The following SEC16B variants were observed in gnomAD, a reference collection of about 807,000 sequenced individuals.
The protein encoded by SEC16B is protein transport protein Sec16B.
Under a neutral mutation model 141.8 loss-of-function variants are expected in SEC16B, and 115 were observed. The observed-to-expected ratio is 0.81, with a 90% CI of 0.70 to 0.95. The LOEUF is 0.95. SEC16B is among the 40% of genes least tolerant of loss of function. The pLI is 0.00. For missense variants in SEC16B, 1,291 were observed against 1,312.3 expected (o/e 0.98, Z 0.25); for synonymous variants, 493 against 492.5 (o/e 1.00, Z -0.01).
chr1:177,978,910 T>C (rs1241114651), intron 1 of SEC16B, among the ~76,000 whole-genome samples: 4 of 152,184 alleles, frequency 2.6e-5, no homozygotes, highest in Non-Finnish European at 5.9e-5. Context: ...TCGCTCATCA[T>C]AATAATCCAT....
intron 10 of SEC16B, among the ~76,000 whole-genome samples, chr1:177,957,496 A>C (rs146828344): frequency 2.0e-5 from 3 of 152,228 alleles, no homozygotes; most frequent in African/African-American, 7.2e-5. Flanking sequence ...AAATGTTAAC[A>C]GGTATTATCT....
chr1:177,952,998 G>A (rs1652321970), intron 11 of SEC16B, among the ~76,000 whole-genome samples: 1 of 136,350 alleles, frequency 7.3e-6, no homozygotes, highest in African/African-American at 2.7e-5. Context: ...TAACATGGAA[G>A]TGTCATTTTT....
At chr1:177,981,846 G>A (rs1025087076) in intron 1 of SEC16B, among the ~76,000 whole-genome samples, 2 of 152,158 alleles carry the variant, frequency 1.3e-5, no homozygotes, top group Non-Finnish European at 2.9e-5. Flanking sequence ...CACACCTGTG[G>A]TGGGTGGTAT....
chr1:177,960,979 C>T (rs1168564942), intron 6 of SEC16B, 40 bp from the exon 7 acceptor site: 7 of 1,565,732 alleles, frequency 4.5e-6, no homozygotes, highest in Non-Finnish European at 6.1e-6. Flanking sequence ...GTTAGCGTTA[C>T]TTCCATCACT....
Position 177,929,220 on chromosome 1 carries a change from C to A in SEC16B, c.*638G>T. On this transcript the variant is annotated 3_prime_UTR_variant, in exon 26 of 26. Coordinates refer to ENST00000308284, the MANE Select transcript of SEC16B (RefSeq NM_033127.4). ...AGCAATCTAACTTGATAGCCACATG[C>A]CAGAATGTGAAAAAATAGGACCAGC... The A allele has an allele frequency of 6.5e-6, 1 of 153,622 alleles. No homozygotes were observed. Among genetic ancestry groups the A allele is most frequent in the Admixed American group, 6.4e-5 (1 of 15,526 alleles). 9.5% of individuals were successfully genotyped at this position (153,622 alleles called of 1,614,324 possible). A position where few individuals can be genotyped will look rare whatever the true frequency, so the allele number is the denominator to read the frequency against.
At chr1:177,974,208 T>C (rs1004596139), upstream of SEC16B, among the ~76,000 whole-genome samples, 2 of 151,974 alleles carry the variant, frequency 1.3e-5, no homozygotes, top group Non-Finnish European at 2.9e-5. Flanking sequence ...ACATGCTGAA[T>C]GTGAGGGGCC....
upstream of SEC16B, among the ~76,000 whole-genome samples, chr1:177,973,800 A>G (rs559227704): frequency 2.0e-5 from 3 of 152,336 alleles, no homozygotes; most frequent in South Asian, 6.2e-4. Context: ...GAGTCACAGT[A>G]CAATGCAATA....
chr1:177,973,462 T>C (rs12088903), upstream of SEC16B, among the ~76,000 whole-genome samples: 17,781 of 152,260 alleles, frequency 0.12, 1,773 homozygotes, highest in African/African-American at 0.27. Flanking sequence ...GTATATTATT[T>C]TAAAAGGCAA....
rs373516846 is a variant in SEC16B, at chr1:177,937,470, A to G, written c.2247T>C (p.Ser749=). The part of the protein sequence containing the change: ...YQDFSGCQGY[S]EAPGYRSALW... ...GAGCTGAGCGGTACCCAGGGGCTTCAGAGTAGCCTTGACATCCAGAAAAGT... is the reference window on the plus strand; with the variant it reads ...GAGCTGAGCGGTACCCAGGGGCTTCGGAGTAGCCTTGACATCCAGAAAAGT... The change falls in exon 19 of 26, where the codon TCT becomes TCC. Residue 749 remains serine, a synonymous_variant. Coordinates refer to ENST00000308284, the MANE Select transcript of SEC16B (RefSeq NM_033127.4). The G allele has an allele frequency of 1.9e-6, 3 of 1,586,534 alleles. No individual in the cohort carries two copies. Among genetic ancestry groups the G allele is most frequent in the Non-Finnish European group, 1.7e-6 (2 of 1,166,722 alleles).
At chr1:177,954,824 G>A (rs1223668471) in intron 10 of SEC16B, among the ~76,000 whole-genome samples, 1 of 152,058 alleles carries the variant, frequency 6.6e-6, no homozygotes, top group East Asian at 1.9e-4. Context: ...CACAGTGTGT[G>A]TGTATATATA....
chr1:177,937,639 C>T (rs566593302), intron 18 of SEC16B, 126 bp from the exon 19 acceptor site: 14 of 724,620 alleles, frequency 1.9e-5, no homozygotes, highest in Admixed American at 6.4e-5. Flanking sequence ...CTGTCTAATG[C>T]GGCTTCCAGT....
At chr1:177,966,618 T>C (rs987056380) in intron 2 of SEC16B, among the ~76,000 whole-genome samples, 1 of 152,142 alleles carries the variant, frequency 6.6e-6, no homozygotes, top group South Asian at 2.1e-4. Context: ...CAGGCTGGAG[T>C]GCAGTGGCGT....
chr1:177,933,777 G>A (rs540034131), intron 20 of SEC16B, 141 bp from the exon 21 acceptor site: 2 of 846,348 alleles, frequency 2.4e-6, no homozygotes. Context: ...AGGAAGGAAG[G>A]CTCAGCCATG....
chr1:177,929,754 A>G lies in SEC16B; in HGVS notation c.*104T>C. 7.6e-7 allele frequency: 1 copy of G among 1,315,780 alleles called. No individual in the cohort carries two copies. The highest frequency in any genetic ancestry group is 1.3e-5 in the South Asian group (1 of 79,056). 81.5% of individuals were successfully genotyped at this position (1,315,780 alleles called of 1,614,324 possible). A position where few individuals can be genotyped will look rare whatever the true frequency, so the allele number is the denominator to read the frequency against. ...CGGTGGAGGCATCGGGCTAGCACAA[A>G]CCTCTTGAGGGTCCCAATATGGTAG... On this transcript the variant is annotated 3_prime_UTR_variant, in exon 26 of 26. Coordinates refer to ENST00000308284, the MANE Select transcript of SEC16B (RefSeq NM_033127.4).
chr1:177,932,728 G>A lies in SEC16B; in HGVS notation c.2902C>T (p.Pro968Ser), dbSNP rs924331094. ...LTPSPESPPL[P>S]DVSAFSRGRG... ...CCCCTGGAGAAGGCACTAACATCCG[G>A]CAGAGGTGGGGACTCAGGGGAAGGT... is the stretch of plus-strand genomic sequence containing the variant. The change falls in exon 23 of 26, where the codon CCG (proline) becomes TCG (serine). Residue 968 changes from proline to serine, a missense_variant. Physicochemically the swap from Pro to Ser is moderately conservative, Grantham distance 74 (BLOSUM62 -1). Transcript: ENST00000308284. The A allele has an allele frequency of 6.2e-7, 1 of 1,605,332 alleles. No individual in the cohort carries two copies. Among genetic ancestry groups the A allele is most frequent in the South Asian group, 1.1e-5 (1 of 88,996 alleles).
In SEC16B at chr1:177,967,702, G is replaced by A. The variant is rs368519190; in HGVS notation, c.280C>T (p.Arg94Cys). The A allele has an allele frequency of 1.3e-4, 208 of 1,604,078 alleles. 8 individuals carry two copies. The highest frequency in any genetic ancestry group is 6.5e-4 in the Admixed American group (39 of 59,638). The change falls in exon 2 of 26, where the codon CGC (arginine) becomes TGC (cysteine). Residue 94 changes from arginine to cysteine, a missense_variant. This residue lies in a region of SEC16B where 681 missense variants were observed against 675.5 expected (regional missense o/e 1.01). Coordinates refer to ENST00000308284, the MANE Select transcript of SEC16B (RefSeq NM_033127.4). ...SGVDYYEGGYRNQLYSRPGYE... is the reference protein window; with the variant it reads ...SGVDYYEGGYCNQLYSRPGYE... ...CCATACCTTGAATACAACTGATTGC[G>A]ATAACCACCTTCGTAATAGTCAACT...
intron 14 of SEC16B, 113 bp downstream of exon 14, chr1:177,946,307 C>T (rs753292882): frequency 1.1e-4 from 90 of 812,250 alleles, no homozygotes; most frequent in South Asian, 3.3e-4. Context: ...AGGGAGCCGG[C>T]GGTAGCTGAA....
Position 177,967,824 on chromosome 1 carries a change from C to T in SEC16B, c.158G>A (p.Arg53His), listed in dbSNP as rs199929410. The T allele has an allele frequency of 2.3e-4, 364 of 1,614,002 alleles. 2 individuals carry two copies. In the African/African-American group the frequency reaches 3.3e-3, roughly 15 times the overall value. The change falls in exon 2 of 26, where the codon CGT (arginine) becomes CAT (histidine). Residue 53 changes from arginine to histidine, a missense_variant. Physicochemically the swap from Arg to His is conservative, Grantham distance 29 (BLOSUM62 0). Coordinates refer to ENST00000308284, the MANE Select transcript of SEC16B (RefSeq NM_033127.4). ...CTCCTGCTGTGGCTGGGGGCTCCCA[C>T]GGTTGTCTTGCCATTGGTGAAACCT... is the stretch of plus-strand genomic sequence containing the variant. Reference protein sequence around the residue: ...GERFHQWQDNRGSPQPQQEPR... With the variant: ...GERFHQWQDNHGSPQPQQEPR...
intron 1 of SEC16B, among the ~76,000 whole-genome samples, chr1:177,979,282 C>A (rs1190443495): frequency 6.6e-6 from 1 of 152,116 alleles, no homozygotes; most frequent in African/African-American, 2.4e-5. Flanking sequence ...GATATTAAAT[C>A]ATAAAAATAA....
Sources: gnomAD v4.1 joint callset for allele counts (sites outside exome capture counted in the v4.1 genomes callset) on GRCh38, gnomAD v4.1.1 for gene constraint, gnomAD v4.1.1 regional missense constraint, MANE v1.5 for transcripts, NCBI Gene and HGNC (gene_info 2026-07-23, HGNC 2026-07-21) for gene names.